UMAD1: variants seen among roughly 807,000 people sequenced by gnomAD.
UMAD1 encodes the protein UBAP1-MVB12-associated (UMA) domain containing 1.
In UMAD1, 8 loss-of-function variants were observed where a neutral mutation model predicts 6.1. The observed-to-expected ratio is 1.30, with a 90% CI of 0.76 to 2.35. UMAD1 has a LOEUF of 2.35. Among genes scored for constraint, UMAD1 ranks in the 30% most tolerant of loss-of-function variants. The pLI, the probability that UMAD1 is intolerant of heterozygous loss-of-function variation, is 0.00. For synonymous variants in UMAD1, 56 were observed against 31.4 expected, an observed-to-expected ratio of 1.78 and a Z score of -2.61; for missense variants, 130 against 78.4, an observed-to-expected ratio of 1.66 and a Z score of -2.49.
At chr7:7,715,554 T>C (rs186296673) in intron 2 of UMAD1, among the ~76,000 whole-genome samples, 1 of 152,310 alleles carries the variant, frequency 6.6e-6, no homozygotes. Context: ...TGCTGGGTGT[T>C]GGGTATGCCA....
intron 3 of UMAD1, among the ~76,000 whole-genome samples, chr7:7,829,550 T>A (rs1219138533): frequency 1.3e-5 from 2 of 152,190 alleles, no homozygotes; most frequent in Admixed American, 1.3e-4. Flanking sequence ...TGCTGAAACC[T>A]GAGCTAGAAC....
intron 3 of UMAD1, among the ~76,000 whole-genome samples, chr7:7,859,991 C>T (rs931868820): frequency 1.3e-5 from 2 of 152,082 alleles, no homozygotes; most frequent in Non-Finnish European, 1.5e-5. Flanking sequence ...TTTTTAGACA[C>T]CATTGTGGCT....
chr7:7,809,752 A>G (rs1196384173), intron 3 of UMAD1, among the ~76,000 whole-genome samples: 1 of 152,018 alleles, frequency 6.6e-6, no homozygotes, highest in East Asian at 1.9e-4. Flanking sequence ...AAAGTATGAG[A>G]TGCACATTTT....
intron 2 of UMAD1, among the ~76,000 whole-genome samples, chr7:7,743,016 C>CTA (rs33992381): frequency 0.46 from 69,503 of 151,782 alleles, 16,393 homozygotes; most frequent in African/African-American, 0.58. Flanking sequence ...TGTTTGGTCT[C>CTA]TGTGTATATA....
intron 2 of UMAD1, among the ~76,000 whole-genome samples, chr7:7,758,307 A>C (rs1246949409): frequency 2.6e-5 from 4 of 152,120 alleles, no homozygotes; most frequent in Non-Finnish European, 4.4e-5. Flanking sequence ...GTGGTCTTGA[A>C]TCATTCCCTA....
At chr7:7,819,705 G>A (rs2194658) in intron 3 of UMAD1, among the ~76,000 whole-genome samples, 95,790 of 152,110 alleles carry the variant, frequency 0.63, 30,305 homozygotes, top group Non-Finnish European at 0.65. Flanking sequence ...TTTGTCACCA[G>A]AATATCTGAT....
At chr7:7,812,782 C>T (rs1000023489) in intron 3 of UMAD1, among the ~76,000 whole-genome samples, 1 of 149,196 alleles carries the variant, frequency 6.7e-6, no homozygotes, top group Non-Finnish European at 1.5e-5. Context: ...AACAACTGTT[C>T]CCTATTTCAC....
intron 2 of UMAD1, among the ~76,000 whole-genome samples, chr7:7,718,351 G>T (rs898456383): frequency 6.6e-6 from 1 of 152,192 alleles, no homozygotes; most frequent in African/African-American, 2.4e-5. Flanking sequence ...GGCATGGGTT[G>T]TCTGTTCTTA....
Position 7,869,800 on chromosome 7 carries a change from G to T in UMAD1, c.157-7481G>T, listed in dbSNP as rs1458439655. On this transcript the variant is annotated intron_variant, in intron 3 of 3. Transcript: ENST00000682710. ...ATTTTGTGCCAGGAAAAATGTAGTTGTCTGTTCTTAAACCTGAATTTCCTT... is the reference window on the plus strand; with the variant it reads ...ATTTTGTGCCAGGAAAAATGTAGTTTTCTGTTCTTAAACCTGAATTTCCTT... Among the ~76,000 whole-genome samples, 5 of 152,308 alleles carry T rather than the reference G, an allele frequency of 3.3e-5. No homozygotes were observed. In the South Asian group the frequency reaches 6.2e-4, roughly 19 times the overall value.
intron 2 of UMAD1, among the ~76,000 whole-genome samples, chr7:7,694,610 G>T (rs1214343968): frequency 6.7e-6 from 1 of 148,446 alleles, no homozygotes; most frequent in Non-Finnish European, 1.5e-5. Context: ...TTAATTTTTA[G>T]TTCCCACAAA....
intron 3 of UMAD1, among the ~76,000 whole-genome samples, chr7:7,867,735 A>C (rs1321821101): frequency 6.6e-6 from 1 of 152,120 alleles, no homozygotes; most frequent in Non-Finnish European, 1.5e-5. Context: ...AAAACATAGA[A>C]AGATAGTATG....
At chr7:7,672,748 CTCCT>C (rs1779638571) in intron 1 of UMAD1, among the ~76,000 whole-genome samples, 1 of 152,170 alleles carries the variant, frequency 6.6e-6, no homozygotes, top group South Asian at 2.1e-4. Flanking sequence ...TCAATTAAAT[CTCCT>C]TTCTTTATAA....
chr7:7,841,309 G>A (rs1236421672), intron 3 of UMAD1, among the ~76,000 whole-genome samples: 1 of 128,806 alleles, frequency 7.8e-6, no homozygotes, highest in Middle Eastern at 4.4e-3. Context: ...AATATAACAA[G>A]TGATCTTTTT....
chr7:7,756,200 G>C (rs1339432162), intron 2 of UMAD1, among the ~76,000 whole-genome samples: 1 of 152,156 alleles, frequency 6.6e-6, no homozygotes, highest in African/African-American at 2.4e-5. Flanking sequence ...TGGAAGATCA[G>C]GCAAGTAACC....
chr7:7,645,730 C>G (rs1182294947), intron 1 of UMAD1, among the ~76,000 whole-genome samples: 1 of 151,922 alleles, frequency 6.6e-6, no homozygotes. Flanking sequence ...AGTGTTTGAA[C>G]CAAGCTCACA....
At chr7:7,811,844 G>A (rs1783027030) in intron 3 of UMAD1, among the ~76,000 whole-genome samples, 1 of 152,042 alleles carries the variant, frequency 6.6e-6, no homozygotes, top group African/African-American at 2.4e-5. Flanking sequence ...TCCTAAGAGT[G>A]TTTGTCTTGG....
intron 2 of UMAD1, among the ~76,000 whole-genome samples, chr7:7,767,905 C>T (rs769715764): frequency 6.6e-6 from 1 of 152,158 alleles, no homozygotes; most frequent in Non-Finnish European, 1.5e-5. Flanking sequence ...TGCTTTCTTG[C>T]TTCTTCATTC....
At chr7:7,840,211 A>C (rs1236067902) in intron 3 of UMAD1, among the ~76,000 whole-genome samples, 1 of 152,098 alleles carries the variant, frequency 6.6e-6, no homozygotes, top group African/African-American at 2.4e-5. Context: ...TGTTAGTGTC[A>C]GGGTCTAAGA....
At chr7:7,837,040 A>G (rs575838094) in intron 3 of UMAD1, among the ~76,000 whole-genome samples, 1 of 152,148 alleles carries the variant, frequency 6.6e-6, no homozygotes, top group East Asian at 1.9e-4. Flanking sequence ...TAGACATATA[A>G]TAGTGACTCA....
Sources: allele counts gnomAD v4.1 joint callset (sites outside exome capture counted in the v4.1 genomes callset), GRCh38; gene constraint gnomAD v4.1.1; transcripts MANE v1.5; gene names NCBI Gene and HGNC (gene_info 2026-07-23, HGNC 2026-07-21).